CUX1: variants seen among roughly 807,000 people sequenced by gnomAD.
CUX1 encodes cut like homeobox 1.
In CUX1, 31 loss-of-function variants were observed where a neutral mutation model predicts 158.8. The observed-to-expected ratio is 0.20, with a 90% CI of 0.15 to 0.26. The LOEUF is 0.26. CUX1 is among the 10% of genes least tolerant of loss of function. The pLI is 1.00. For synonymous variants in CUX1, 879 were observed against 862.1 expected (o/e 1.02, Z -0.34); for missense variants, 1,589 against 2,014.6 (o/e 0.79, Z 4.04).
intron 10 of CUX1, among the ~76,000 whole-genome samples, chr7:102,174,157 T>C (rs1448097294): frequency 1.3e-5 from 2 of 152,158 alleles, no homozygotes; most frequent in Non-Finnish European, 2.9e-5. Context: ...CCCCGCTCTG[T>C]CACCCAGGGT....
At chr7:101,944,323 C>G (rs1027677524) in intron 2 of CUX1, among the ~76,000 whole-genome samples, 12 of 152,238 alleles carry the variant, frequency 7.9e-5, no homozygotes, top group African/African-American at 2.7e-4. Flanking sequence ...AACAGAGCTC[C>G]TGCTTTTCCC....
chr7:102,108,272 C>T (rs1248197716), intron 6 of CUX1, among the ~76,000 whole-genome samples: 1 of 152,180 alleles, frequency 6.6e-6, no homozygotes, highest in African/African-American at 2.4e-5. Context: ...TATGATTGTA[C>T]ATCTTCCTAC....
At chr7:101,829,537 C>T (rs529571083) in intron 1 of CUX1, among the ~76,000 whole-genome samples, 4 of 152,154 alleles carry the variant, frequency 2.6e-5, no homozygotes, top group South Asian at 2.1e-4. Flanking sequence ...TTTTTCCTCC[C>T]GACCTGCGCT....
In CUX1 at chr7:102,248,740, G is replaced by A. The variant is rs1554538094; in HGVS notation, c.4216G>A (p.Ala1406Thr). ...VEGPGPLPSPASATATAAPAA... is the reference protein window; with the variant it reads ...VEGPGPLPSPTSATATAAPAA... Reference sequence around the variant, plus strand: ...AGGCCCGGGGCCCCTGCCCAGCCCCGCCTCCGCGACCGCCACCGCCGCGCC... The same window carrying A: ...AGGCCCGGGGCCCCTGCCCAGCCCCACCTCCGCGACCGCCACCGCCGCGCC... The change falls in exon 24 of 24, where the codon GCC becomes ACC. Residue 1406 changes from alanine to threonine, a missense_variant. By Grantham distance (58) the Ala-to-Thr change is moderately conservative. Coordinates refer to ENST00000292535, the MANE Select transcript of CUX1 (RefSeq NM_181552.4). This position sits in a 1 kb window ranked among gnomAD's most constrained non-coding sequence, Gnocchi z 5.8. 2 of 1,082,314 alleles carry A rather than the reference G, an allele frequency of 1.8e-6. No homozygotes were observed. Among genetic ancestry groups the A allele is most frequent in the East Asian group, 6.3e-5 (1 of 15,864 alleles). 67.0% of individuals were successfully genotyped at this position (1,082,314 alleles called of 1,614,324 possible).
intron 2 of CUX1, among the ~76,000 whole-genome samples, chr7:101,976,900 ATTTTTTT>A (rs10643207): frequency 3.5e-4 from 14 of 39,460 alleles, no homozygotes; most frequent in African/African-American, 7.8e-4. Context: ...TCCCTTTCTG[ATTTTTTT>A]TTTTTTTTTT....
chr7:102,251,855 T>G lies in CUX1; in HGVS notation c.*2813T>G. On this transcript the variant is annotated 3_prime_UTR_variant, in exon 24 of 24. Transcript: ENST00000292535. Reference sequence around the variant, plus strand: ...AAGGCATGACTGTTATTTACAAAGGTGTTAAATCTGAGGAAATTGACAAAT... The same window carrying G: ...AAGGCATGACTGTTATTTACAAAGGGGTTAAATCTGAGGAAATTGACAAAT... The G allele has an allele frequency of 1.0e-6, 1 of 985,436 alleles. No individual in the cohort carries two copies. Among genetic ancestry groups the G allele is most frequent in the Non-Finnish European group, 1.2e-6 (1 of 829,916 alleles). The allele number at this position is 985,436 out of a possible 1,614,324, so 61.0% of individuals were successfully genotyped here. A position where few individuals can be genotyped will look rare whatever the true frequency, so the allele number is the denominator to read the frequency against.
chr7:102,035,459 G>T (rs1296235415), intron 3 of CUX1, among the ~76,000 whole-genome samples: 1 of 151,914 alleles, frequency 6.6e-6, no homozygotes, highest in East Asian at 1.9e-4. Flanking sequence ...ATACATTTTT[G>T]ACTATAATAT....
chr7:101,908,421 C>G (rs558811563), intron 1 of CUX1, among the ~76,000 whole-genome samples: 1 of 152,132 alleles, frequency 6.6e-6, no homozygotes, highest in African/African-American at 2.4e-5. Context: ...GCTGGGATTA[C>G]GGGCGTGAAC....
intron 9 of CUX1, among the ~76,000 whole-genome samples, chr7:102,164,824 C>G (rs1442420362): frequency 6.6e-6 from 1 of 152,154 alleles, no homozygotes; most frequent in Admixed American, 6.5e-5. Flanking sequence ...GGGGGACTTG[C>G]TCATCTCTGG....
chr7:101,996,345 A>G (rs1206884604), intron 2 of CUX1, among the ~76,000 whole-genome samples: 3 of 151,914 alleles, frequency 2.0e-5, no homozygotes, highest in African/African-American at 7.3e-5. Context: ...CCGTCTCTTG[A>G]GCTCAGCTGG....
intron 2 of CUX1, among the ~76,000 whole-genome samples, chr7:101,936,258 G>C (rs1386454102): frequency 6.6e-6 from 1 of 151,856 alleles, no homozygotes. Flanking sequence ...GAGGGAGGAG[G>C]GCGGGTACAT....
At chr7:102,119,036 C>T (rs1484165697) in intron 8 of CUX1, among the ~76,000 whole-genome samples, 2 of 152,188 alleles carry the variant, frequency 1.3e-5, no homozygotes, top group Admixed American at 1.3e-4. Flanking sequence ...AGGCGTGAGC[C>T]ACTGCACCCA....
chr7:102,143,286 T>C (rs1834659288), intron 8 of CUX1, among the ~76,000 whole-genome samples: 1 of 152,182 alleles, frequency 6.6e-6, no homozygotes, highest in African/African-American at 2.4e-5. Flanking sequence ...TTCTTTTTTA[T>C]GAGACAGAGT....
chr7:101,987,096 G>A (rs1369865978), intron 2 of CUX1, among the ~76,000 whole-genome samples: 1 of 152,154 alleles, frequency 6.6e-6, no homozygotes, highest in Non-Finnish European at 1.5e-5. Flanking sequence ...GCCACCTGGA[G>A]CTCTGACCTC....
chr7:102,086,435 A>G (rs1301063798), intron 4 of CUX1, among the ~76,000 whole-genome samples: 1 of 151,962 alleles, frequency 6.6e-6, no homozygotes, highest in Non-Finnish European at 1.5e-5. Flanking sequence ...TTGTTTTCTC[A>G]TCCTGTACAT....
At chr7:102,116,345 A>G (rs1156689198) in intron 8 of CUX1, among the ~76,000 whole-genome samples, 2 of 152,172 alleles carry the variant, frequency 1.3e-5, no homozygotes, top group Admixed American at 6.6e-5. Flanking sequence ...GATTCTGATC[A>G]TGAGTATGAA....
At chr7:101,819,479 C>A (rs944316873) in intron 1 of CUX1, among the ~76,000 whole-genome samples, 1 of 152,128 alleles carries the variant, frequency 6.6e-6, no homozygotes, top group Non-Finnish European at 1.5e-5. Flanking sequence ...TTTTCAGAAT[C>A]AAAAAACAAT....
Position 102,195,508 on chromosome 7 carries a change from A to T in CUX1, c.1127A>T (p.Asp376Val). ...AGACCCCCGCTCTGCCCCTTCTAGG[A>T]TGCGGCCAAGCCCCTGGAGGTGCTG... ...FAPSEGAGTQ[D>V]AAKPLEVLLL... The change falls in exon 14 of 24, where the codon GAT (aspartate) becomes GTT (valine). Residue 376 changes from aspartate to valine, a missense_variant and splice_region_variant. By Grantham distance (152) the Asp-to-Val change is radical. This residue lies in a region of CUX1 where 515 missense variants were observed against 574.4 expected (regional missense o/e 0.90). Transcript: ENST00000292535. The T allele has an allele frequency of 6.2e-7, 1 of 1,611,226 alleles. No individual in the cohort carries two copies. The highest frequency in any genetic ancestry group is 8.5e-7 in the Non-Finnish European group (1 of 1,179,548).
rs76839595 is a variant in CUX1 at position 102,165,179 on chromosome 7, C to T, written c.724-5267C>T. 8.2e-3 allele frequency among the ~76,000 whole-genome samples: 1,241 copies of T among 152,176 alleles called. 19 individuals are homozygous for T. Among genetic ancestry groups the T allele is most frequent in the African/African-American group, 0.028 (1,153 of 41,520 alleles). ...CCCACACCTTCGCCCCACCAGGCTGCAGCTGGCCCAAGGCCCTGTCTTTAT... is the reference window on the plus strand; with the variant it reads ...CCCACACCTTCGCCCCACCAGGCTGTAGCTGGCCCAAGGCCCTGTCTTTAT... On this transcript the variant is annotated intron_variant, in intron 9 of 23. Transcript: ENST00000292535.
Sources: gnomAD v4.1 joint callset for allele counts (sites outside exome capture counted in the v4.1 genomes callset) on GRCh38, gnomAD v4.1.1 for gene constraint, gnomAD v4.1.1 regional missense constraint, Gnocchi (gnomAD v3.1) non-coding constraint, MANE v1.5 for transcripts, NCBI Gene and HGNC (gene_info 2026-07-23, HGNC 2026-07-21) for gene names.